Variants in FAM107B observed in about 807,000 individuals in gnomAD.
FAM107B encodes the protein family with sequence similarity 107 member B, also known as protein FAM107B.
FAM107B carries 21 observed loss-of-function variants against 31.5 expected under a neutral mutation model. The observed-to-expected ratio is 0.67, with a 90% CI of 0.47 to 0.96. The LOEUF (loss-of-function observed/expected upper bound fraction) is 0.96. FAM107B is among the 40% of genes least tolerant of loss of function. The probability of loss-of-function intolerance (pLI) is 0.00; values close to 1 mark genes in which losing one functional copy is unlikely to be tolerated. For synonymous variants in FAM107B, 157 were observed against 141.5 expected (o/e 1.11, Z -0.78); for missense variants, 452 against 377.1 (o/e 1.20, Z -1.64).
intron 1 of FAM107B, among the ~76,000 whole-genome samples, chr10:14,700,856 A>C (rs1236823262): frequency 8.3e-6 from 1 of 121,068 alleles, no homozygotes; most frequent in Non-Finnish European, 1.7e-5. Context: ...AAAAAAACGC[A>C]CTAGGGTGAG....
At chr10:14,628,369 T>C (rs1853231331) in intron 2 of FAM107B, among the ~76,000 whole-genome samples, 3 of 152,078 alleles carry the variant, frequency 2.0e-5, no homozygotes. Context: ...CCACCTGCCT[T>C]GATCTCCCAA....
chr10:14,630,828 T>C (rs1045193169), intron 2 of FAM107B, among the ~76,000 whole-genome samples: 4 of 151,704 alleles, frequency 2.6e-5, no homozygotes, highest in Non-Finnish European at 4.4e-5. Flanking sequence ...TCCAGCTGGG[T>C]GACAGAGGGA....
intron 1 of FAM107B, among the ~76,000 whole-genome samples, chr10:14,712,642 G>A (rs1588723042): frequency 8.5e-6 from 1 of 118,266 alleles, no homozygotes; most frequent in Admixed American, 8.9e-5. Context: ...GAAGAAGTTG[G>A]GATAAATGAA....
At chr10:14,758,302 G>T (rs935626089) in intron 1 of FAM107B, among the ~76,000 whole-genome samples, 1 of 152,178 alleles carries the variant, frequency 6.6e-6, no homozygotes, top group Non-Finnish European at 1.5e-5. Context: ...GGAAGCTGTT[G>T]CATGATGCTG....
chr10:14,570,951 A>G (rs1851169718), intron 2 of FAM107B, among the ~76,000 whole-genome samples: 1 of 152,020 alleles, frequency 6.6e-6, no homozygotes, highest in South Asian at 2.1e-4. Context: ...TTTTGCTAAA[A>G]TCAAATATGT....
At chr10:14,600,451 C>T (rs926602435) in intron 2 of FAM107B, among the ~76,000 whole-genome samples, 2 of 152,130 alleles carry the variant, frequency 1.3e-5, no homozygotes, top group African/African-American at 2.4e-5. Flanking sequence ...AATCCCTATG[C>T]AGCTCCATGG....
chr10:14,757,812 G>A (rs1832960125), intron 1 of FAM107B, among the ~76,000 whole-genome samples: 1 of 152,128 alleles, frequency 6.6e-6, no homozygotes, highest in East Asian at 1.9e-4. Context: ...TCATTTGGTT[G>A]GAATCCATTC....
chr10:14,635,591 GT>G (rs1417177463), intron 2 of FAM107B, among the ~76,000 whole-genome samples: 1 of 152,008 alleles, frequency 6.6e-6, no homozygotes, highest in African/African-American at 2.4e-5. Context: ...CTAAGGAGAG[GT>G]TTCAAACCTC....
At chr10:14,522,117 G>A (rs1845713181) in intron 3 of FAM107B, 98 bp from the exon 4 acceptor site, 7 of 1,469,292 alleles carry the variant, frequency 4.8e-6, no homozygotes, top group African/African-American at 1.4e-5. Flanking sequence ...CGGAAAAGTG[G>A]TCTACAAAAT....
In FAM107B at chr10:14,520,882, T is replaced by A. The variant is rs918690465; in HGVS notation, c.*308A>T. On this transcript the variant is annotated 3_prime_UTR_variant, in exon 5 of 5. Coordinates refer to ENST00000181796, the MANE Select transcript of FAM107B (RefSeq NM_031453.4). ...AACCAAGTAGTGCAACTCTCAAGAA[T>A]TGATTCCAGTGTCCTCTTCCTTTTT... The A allele has an allele frequency of 1.4e-5, 4 of 277,222 alleles. No homozygotes were observed. Among genetic ancestry groups the A allele is most frequent in the African/African-American group, 8.7e-5 (4 of 45,736 alleles). The allele number at this position is 277,222 out of a possible 1,614,324, so 17.2% of individuals were successfully genotyped here. A position where few individuals can be genotyped will look rare whatever the true frequency, so the allele number is the denominator to read the frequency against.
chr10:14,631,352 G>A (rs1486440398), intron 2 of FAM107B, among the ~76,000 whole-genome samples: 1 of 152,164 alleles, frequency 6.6e-6, no homozygotes, highest in Non-Finnish European at 1.5e-5. Context: ...GACAAGATTT[G>A]TCATGGCTTT....
At chr10:14,553,348 C>A (rs1443772244) in intron 2 of FAM107B, 2 of 1,275,206 alleles carry the variant, frequency 1.6e-6, no homozygotes, top group South Asian at 1.3e-5. Context: ...GCAGTTCCAA[C>A]AGTTTCTCTA....
At chr10:14,594,196 A>C (rs1417112345) in intron 2 of FAM107B, among the ~76,000 whole-genome samples, 1 of 152,178 alleles carries the variant, frequency 6.6e-6, no homozygotes, top group Non-Finnish European at 1.5e-5. Context: ...CAAAATAAAA[A>C]TTCAGTACAA....
At chr10:14,616,736 A>G (rs1243165043) in intron 2 of FAM107B, among the ~76,000 whole-genome samples, 2 of 152,188 alleles carry the variant, frequency 1.3e-5, no homozygotes, top group African/African-American at 4.8e-5. Flanking sequence ...CAGCCTGGGC[A>G]ACATGGGGAA....
At position 14,747,788 on chromosome 10, in the gene FAM107B, T is replaced by G. The variant is rs191898804; in HGVS notation, c.411+26465A>C. 7.9e-5 allele frequency among the ~76,000 whole-genome samples: 12 copies of G among 152,350 alleles called. No individual in the cohort carries two copies. The East Asian group carries it at 1.9e-3, about 24-fold the overall frequency. ...TCACCCAGTCAGGAGGCACAGGATCTGGGACCCAATTAATGAAGCACTCTG... is the reference window on the plus strand; with the variant it reads ...TCACCCAGTCAGGAGGCACAGGATCGGGGACCCAATTAATGAAGCACTCTG... On this transcript the variant is annotated intron_variant, in intron 1 of 4. Transcript: ENST00000181796.
At chr10:14,708,750 C>G (rs1247596787) in intron 1 of FAM107B, among the ~76,000 whole-genome samples, 1 of 152,012 alleles carries the variant, frequency 6.6e-6, no homozygotes, top group East Asian at 1.9e-4. Flanking sequence ...GATTGGTACC[C>G]CAAATATGCA....
intron 2 of FAM107B, among the ~76,000 whole-genome samples, chr10:14,606,487 AGTGTTATGGACT>A (rs983619523): frequency 1.3e-5 from 2 of 152,190 alleles, no homozygotes; most frequent in Non-Finnish European, 2.9e-5. Context: ...GCATATGGGA[AGTGTTATGGACT>A]AAACTGTGTA....
intron 1 of FAM107B, among the ~76,000 whole-genome samples, chr10:14,713,169 T>G (rs1174791907): frequency 2.0e-5 from 3 of 152,232 alleles, no homozygotes; most frequent in African/African-American, 7.2e-5. Context: ...AATGGGTTAT[T>G]ATGTTACCTC....
chr10:14,756,663 G>C (rs1383001535), intron 1 of FAM107B, among the ~76,000 whole-genome samples: 1 of 152,118 alleles, frequency 6.6e-6, no homozygotes, highest in African/African-American at 2.4e-5. Flanking sequence ...CCATTACCGG[G>C]TATACACCCA....
Sources: gnomAD v4.1 joint callset for allele counts (sites outside exome capture counted in the v4.1 genomes callset) on GRCh38, gnomAD v4.1.1 for gene constraint, MANE v1.5 for transcripts, NCBI Gene and HGNC (gene_info 2026-07-23, HGNC 2026-07-21) for gene names.